Variants in IL17B observed in about 807,000 individuals in gnomAD.
IL17B encodes the protein interleukin 17B, also known as interleukin-17B.
A neutral mutation model predicts 14.7 loss-of-function variants in IL17B; 14 were observed. That is an observed-to-expected ratio of 0.95 (90% confidence interval 0.63 to 1.49). IL17B has a LOEUF of 1.49. Ranked by LOEUF, IL17B falls within the 40% of genes most tolerant of loss-of-function variation. IL17B has a pLI of 0.00. For synonymous variants in IL17B, 105 were observed against 94.8 expected (o/e 1.11, Z -0.62); for missense variants, 233 against 252.8 (o/e 0.92, Z 0.53).
At chr5:149,399,461 G>A (rs1336294150) in intron 1 of IL17B, among the ~76,000 whole-genome samples, 1 of 151,942 alleles carries the variant, frequency 6.6e-6, no homozygotes, top group Non-Finnish European at 1.5e-5. Context: ...GCGGGAAGTT[G>A]ATCATGGTTG....
At chr5:149,391,257 C>T (rs1305769029) in intron 1 of IL17B, among the ~76,000 whole-genome samples, 2 of 152,094 alleles carry the variant, frequency 1.3e-5, no homozygotes, top group East Asian at 1.9e-4. Context: ...TGAGCCACTG[C>T]GCCCAGCGTT....
intron 1 of IL17B, among the ~76,000 whole-genome samples, chr5:149,401,067 C>G (rs961337712): frequency 6.6e-6 from 1 of 152,224 alleles, no homozygotes; most frequent in Admixed American, 6.5e-5. Flanking sequence ...CATCCCATAG[C>G]CCAATCAAAT....
At chr5:149,400,844 G>C (rs1276883089) in intron 1 of IL17B, among the ~76,000 whole-genome samples, 1 of 152,188 alleles carries the variant, frequency 6.6e-6, no homozygotes, top group Non-Finnish European at 1.5e-5. Context: ...CAAGAACCAG[G>C]AGCTCTGATG....
At chr5:149,376,042 A>T (rs1758521632) in intron 2 of IL17B, among the ~76,000 whole-genome samples, 1 of 152,186 alleles carries the variant, frequency 6.6e-6, no homozygotes, top group Non-Finnish European at 1.5e-5. Flanking sequence ...GGTATATGTC[A>T]TGTGGCTGAA....
At chr5:149,391,749 G>A (rs903740379) in intron 1 of IL17B, among the ~76,000 whole-genome samples, 1 of 152,204 alleles carries the variant, frequency 6.6e-6, no homozygotes, top group Non-Finnish European at 1.5e-5. Context: ...TGTGTGCAAT[G>A]GAGGACGGCG....
At chr5:149,394,949 G>A (rs898718534) in intron 1 of IL17B, among the ~76,000 whole-genome samples, 4 of 151,994 alleles carry the variant, frequency 2.6e-5, no homozygotes, top group African/African-American at 7.3e-5. Context: ...CAAGGGTCTG[G>A]TGTGCACATT....
intron 2 of IL17B, 41 bp downstream of exon 2, chr5:149,376,695 C>A: frequency 6.4e-7 from 1 of 1,559,960 alleles, no homozygotes; most frequent in South Asian, 1.2e-5. Flanking sequence ...AGGAAAGGTC[C>A]CCACCCCCCA....
chr5:149,398,474 G>T (rs1163824488), intron 1 of IL17B, among the ~76,000 whole-genome samples: 2 of 152,226 alleles, frequency 1.3e-5, no homozygotes, highest in African/African-American at 4.8e-5. Flanking sequence ...TGAGAAAAGA[G>T]AGCGGCAGAC....
chr5:149,388,684 T>TC (rs1321586334), intron 1 of IL17B, among the ~76,000 whole-genome samples: 3 of 152,152 alleles, frequency 2.0e-5, no homozygotes, highest in Non-Finnish European at 2.9e-5. Context: ...CCAGCAAAAG[T>TC]GTCCTTATCC....
At chr5:149,380,505 C>T (rs991024960), upstream of IL17B, among the ~76,000 whole-genome samples, 1 of 152,278 alleles carries the variant, frequency 6.6e-6, no homozygotes, top group East Asian at 1.9e-4. Context: ...CTCCAAGATT[C>T]AGGCCACAAG....
chr5:149,397,987 A>G (rs920576558), intron 1 of IL17B, among the ~76,000 whole-genome samples: 1 of 152,074 alleles, frequency 6.6e-6, no homozygotes, highest in Non-Finnish European at 1.5e-5. Context: ...TTCCCTACCT[A>G]TTCCACTCAG....
At chr5:149,394,268 GC>G in intron 1 of IL17B, among the ~76,000 whole-genome samples, 1 of 152,272 alleles carries the variant, frequency 6.6e-6, no homozygotes, top group Admixed American at 6.5e-5. Context: ...TTAATTGTGT[GC>G]ACCCAGCTTT....
upstream of IL17B, among the ~76,000 whole-genome samples, chr5:149,382,616 C>T (rs1350140919): frequency 1.3e-5 from 2 of 152,220 alleles, no homozygotes; most frequent in Non-Finnish European, 2.9e-5. Context: ...AGAAGATTCA[C>T]AGCAAGTTTG....
chr5:149,399,336 G>T (rs10052437), intron 1 of IL17B, among the ~76,000 whole-genome samples: 2 of 152,134 alleles, frequency 1.3e-5, no homozygotes, highest in African/African-American at 4.8e-5. Flanking sequence ...TTGGCCTCCT[G>T]GTTCAGTTCC....
chr5:149,379,634 G>T (rs1324247164), upstream of IL17B, among the ~76,000 whole-genome samples: 5 of 152,206 alleles, frequency 3.3e-5, no homozygotes, highest in African/African-American at 9.6e-5. Flanking sequence ...GAGGAGGGAT[G>T]GGCCGTTGGT....
At chr5:149,383,555 C>T (rs1758754070), upstream of IL17B, among the ~76,000 whole-genome samples, 1 of 152,270 alleles carries the variant, frequency 6.6e-6, no homozygotes, top group East Asian at 1.9e-4. Context: ...TGCTGCCCTC[C>T]CCTCCCTCCC....
At chr5:149,384,364 A>G (rs557621061) in intron 1 of IL17B, among the ~76,000 whole-genome samples, 2 of 152,200 alleles carry the variant, frequency 1.3e-5, no homozygotes, top group East Asian at 3.9e-4. Context: ...CTGGCACATA[A>G]TGGTACTTAA....
In IL17B at chr5:149,392,943, T is replaced by TGTGCGTGC. The variant is rs1178399269; in HGVS notation, n.95+11157_95+11164dup. ...GTGTGCATGTGTGTGTACGTGCGTGTGTGCGTGCGTGTGTGCGTGTGTGTG... is the reference window on the plus strand; with the variant it reads ...GTGTGCATGTGTGTGTACGTGCGTGTGTGCGTGCGTGCGTGCGTGTGTGCGTGTGTGTG... On this transcript the variant is annotated intron_variant and non_coding_transcript_variant, in intron 1 of 2. Coordinates refer to the IL17B transcript ENST00000505432. 3.3e-5 allele frequency among the ~76,000 whole-genome samples: 5 copies of TGTGCGTGC among 151,466 alleles called. 1 individual carries two copies. Among genetic ancestry groups the TGTGCGTGC allele is most frequent in the Admixed American group, 3.3e-4 (5 of 15,166 alleles).
chr5:149,400,188 C>A (rs953923799), intron 1 of IL17B, among the ~76,000 whole-genome samples: 7 of 152,126 alleles, frequency 4.6e-5, no homozygotes, highest in African/African-American at 1.7e-4. Flanking sequence ...TTAGGGTGGG[C>A]CCCTAATCCA....
Sources: gnomAD v4.1 joint callset for allele counts (sites outside exome capture counted in the v4.1 genomes callset) on GRCh38, gnomAD v4.1.1 for gene constraint, MANE v1.5 for transcripts, NCBI Gene and HGNC (gene_info 2026-07-23, HGNC 2026-07-21) for gene names.